AHNAK: variants seen among roughly 807,000 people sequenced by gnomAD.
AHNAK encodes AHNAK nucleoprotein.
AHNAK carries 23 observed loss-of-function variants against 37.8 expected under a neutral mutation model. The observed-to-expected ratio is 0.61, with a 90% CI of 0.44 to 0.86. AHNAK has a LOEUF of 0.86. Among genes scored for constraint, AHNAK ranks in the 40% least tolerant of loss-of-function variants. AHNAK has a pLI of 0.00. For synonymous variants in AHNAK, 2,481 were observed against 2,636.3 expected (o/e 0.94, Z 1.80); for missense variants, 7,411 against 7,319.4 (o/e 1.01, Z -0.46).
In AHNAK at chr11:62,528,588, C is replaced by T. The variant is rs601430; in HGVS notation, c.5829G>A (p.Ser1943=). 263 of 1,584,662 alleles carry T rather than the reference C, an allele frequency of 1.7e-4. 4 individuals carry two copies. In the South Asian group the frequency reaches 2.6e-3, roughly 16 times the overall value. ...GPKVKGDVDV[S]VPKLEGDLTG... ...TTAAATCTCCCTCCAATTTTGGCAC[C>T]GACACATCCACATCCCCTTTGACTT... Residue 1943 remains serine, a synonymous_variant, in exon 5 of 5, where the codon TCG becomes TCA. Coordinates refer to ENST00000378024, the MANE Select transcript of AHNAK (RefSeq NM_001620.3).
At position 62,525,591 on chromosome 11, in the gene AHNAK, T is replaced by C; in HGVS notation, c.8826A>G (p.Pro2942=). 1 of 1,613,748 alleles carries C rather than the reference T, an allele frequency of 6.2e-7. No homozygotes were observed. The highest frequency in any genetic ancestry group is 8.5e-7 in the Non-Finnish European group (1 of 1,179,956). ...ACTTGGGCCCTTTCAACTTTCCCTC[T>C]GGTCCTTCAATGTTAACATCAGGGC... ...VEGPDVNIEG[P]EGKLKGPKFK... is the part of the protein sequence containing the mutation. The change falls in exon 5 of 5, where the codon CCA becomes CCG. Residue 2942 remains proline (P), a synonymous_variant. Coordinates refer to ENST00000378024, the MANE Select transcript of AHNAK (RefSeq NM_001620.3).
At chr11:62,541,294 C>T (rs190623092) in intron 1 of AHNAK, among the ~76,000 whole-genome samples, 3 of 152,354 alleles carry the variant, frequency 2.0e-5, no homozygotes, top group Admixed American at 1.3e-4. Flanking sequence ...GGAAGAAAAT[C>T]ACCCCATCCG....
In AHNAK at chr11:62,433,879, C is replaced by T. The variant is rs370327131; in HGVS notation, c.*5G>A. Reference sequence around the variant, plus strand: ...AAGAGGGGGTGGTTTTCTTCCTGGCCGCTTCTACAGTCCTGTAAAACAACA... The same window carrying T: ...AAGAGGGGGTGGTTTTCTTCCTGGCTGCTTCTACAGTCCTGTAAAACAACA... On this transcript the variant is annotated 3_prime_UTR_variant, in exon 6 of 6. Coordinates refer to the AHNAK transcript ENST00000257247. The T allele has an allele frequency of 8.7e-6, 14 of 1,613,708 alleles. No homozygotes were observed. The African/African-American group carries it at 1.2e-4, about 14-fold the overall frequency.
Position 62,532,314 on chromosome 11 carries a change from A to G in AHNAK, c.2103T>C (p.Asp701=). Residue 701 remains aspartate (D), a synonymous_variant, in exon 5 of 5, where the codon GAT becomes GAC. Coordinates refer to ENST00000378024, the MANE Select transcript of AHNAK (RefSeq NM_001620.3). ...TTGTACCTTTCACGTGCAAATCTACATCAGGCATGGAGATCTTTGGTGTCT... is the reference window on the plus strand; with the variant it reads ...TTGTACCTTTCACGTGCAAATCTACGTCAGGCATGGAGATCTTTGGTGTCT... ...SVKTPKISMP[D]VDLHVKGTKV... is the part of the protein sequence containing the mutation. The G allele has an allele frequency of 6.2e-7, 1 of 1,614,100 alleles. No homozygotes were observed. The highest frequency in any genetic ancestry group is 8.5e-7 in the Non-Finnish European group (1 of 1,180,022).
At chr11:62,480,625 C>A (rs1939249088) in intron 5 of AHNAK, among the ~76,000 whole-genome samples, 1 of 151,450 alleles carries the variant, frequency 6.6e-6, no homozygotes, top group African/African-American at 2.4e-5. Context: ...TGCGCCATTG[C>A]ACTCCAGCCT....
intron 5 of AHNAK, among the ~76,000 whole-genome samples, chr11:62,457,093 G>A (rs1938673293): frequency 6.6e-6 from 1 of 152,146 alleles, no homozygotes; most frequent in Non-Finnish European, 1.5e-5. Flanking sequence ...CTGAGGTCAG[G>A]AGTTCAAGAC....
At chr11:62,507,784 TAAAAAAC>T (rs201095180) in intron 4 of AHNAK, among the ~76,000 whole-genome samples, 1 of 151,740 alleles carries the variant, frequency 6.6e-6, no homozygotes, top group Non-Finnish European at 1.5e-5. Flanking sequence ...CTCAAAAAAA[TAAAAAAC>T]AAAAAACAAA....
At position 62,524,298 on chromosome 11, in the gene AHNAK, A is replaced by G. The variant is rs1940387001; in HGVS notation, c.10119T>C (p.Gly3373=). 6.2e-7 allele frequency: 1 copy of G among 1,613,742 alleles called. No homozygotes were observed. Among genetic ancestry groups the G allele is most frequent in the Non-Finnish European group, 8.5e-7 (1 of 1,179,976 alleles). ...KVQTPEVDVK[G]KKPDIDITGP... ...CTGTTATGTCAATATCTGGCTTTTT[A>G]CCTTTGACATCCACTTCAGGTGTCT... The change falls in exon 5 of 5, where the codon GGT becomes GGC. Residue 3373 remains glycine, a synonymous_variant. Coordinates refer to ENST00000378024, the MANE Select transcript of AHNAK (RefSeq NM_001620.3).
intron 5 of AHNAK, among the ~76,000 whole-genome samples, chr11:62,440,745 C>T (rs897170646): frequency 1.2e-4 from 18 of 152,196 alleles, no homozygotes; most frequent in African/African-American, 3.9e-4. Context: ...ATCCCAGCCC[C>T]GTCTCCACAA....
At position 62,520,960 on chromosome 11, in the gene AHNAK, C is replaced by T. The variant is rs759676200; in HGVS notation, c.13457G>A (p.Ser4486Asn). 1.9e-6 allele frequency: 3 copies of T among 1,614,166 alleles called. No individual in the cohort carries two copies. The highest frequency in any genetic ancestry group is 8.5e-7 in the Non-Finnish European group (1 of 1,180,040). The change falls in exon 5 of 5, where the codon AGT (serine) becomes AAT (asparagine). Residue 4486 changes from serine to asparagine, a missense_variant. Coordinates refer to ENST00000378024, the MANE Select transcript of AHNAK (RefSeq NM_001620.3). ...GTCTACCTCTGGCCCTTTCAGATCA[C>T]TTTCCACCTTAGGTAGTGAAACATC... ...DVDVSLPKVE[S>N]DLKGPEVDIE...
chr11:62,435,536 C>G (rs1425348718), intron 5 of AHNAK, among the ~76,000 whole-genome samples: 2 of 108,050 alleles, frequency 1.9e-5, no homozygotes, highest in East Asian at 3.7e-4. Context: ...CTCAGCCTCC[C>G]GAGTAGCTGG....
intron 5 of AHNAK, among the ~76,000 whole-genome samples, chr11:62,454,871 AC>A (rs1938622483): frequency 2.0e-5 from 3 of 151,688 alleles, no homozygotes; most frequent in Non-Finnish European, 2.9e-5. Context: ...TTGAGAACCC[AC>A]ACCTTCCTTA....
chr11:62,454,434 GA>G (rs1938612777), intron 5 of AHNAK, among the ~76,000 whole-genome samples: 1 of 148,670 alleles, frequency 6.7e-6, no homozygotes, highest in African/African-American at 2.5e-5. Context: ...AAAAAGAAAA[GA>G]AAAGAAAAGA....
chr11:62,527,477 T>C lies in AHNAK; in HGVS notation c.6940A>G (p.Met2314Val). 6.2e-7 allele frequency: 1 copy of C among 1,614,194 alleles called. No individual in the cohort carries two copies. The highest frequency in any genetic ancestry group is 8.5e-7 in the Non-Finnish European group (1 of 1,180,006). The part of the protein sequence containing the change: ...EMHFKTPKIS[M>V]PDVDFNLKGP... ...TTTAAATTGAAATCAACATCAGGCATGGAGATCTTGGGGGTCTTGAAGTGC... is the reference window on the plus strand; with the variant it reads ...TTTAAATTGAAATCAACATCAGGCACGGAGATCTTGGGGGTCTTGAAGTGC... Residue 2314 changes from methionine (M) to valine (V), a missense_variant, in exon 5 of 5, where the codon ATG (methionine) becomes GTG (valine). Met to Val is a conservative substitution (Grantham distance 21). Coordinates refer to ENST00000378024, the MANE Select transcript of AHNAK (RefSeq NM_001620.3).
At position 62,517,026 on chromosome 11, in the gene AHNAK, C is replaced by T. The variant is rs1461209258; in HGVS notation, c.17391G>A (p.Gly5797=). The change falls in exon 5 of 5, where the codon GGG becomes GGA. Residue 5797 remains glycine (G), a synonymous_variant. Transcript: ENST00000378024. ...CTTCCCCACCTTCAAACTCCAGCGT[C>T]CCCGTCGGGGTGGAAGGTCCAGAGA... ...REFSGPSTPT[G]TLEFEGGEVS... is the part of the protein sequence containing the mutation. 2.5e-6 allele frequency: 4 copies of T among 1,614,104 alleles called. No individual in the cohort carries two copies. Among genetic ancestry groups the T allele is most frequent in the Non-Finnish European group, 3.4e-6 (4 of 1,180,056 alleles).
intron 5 of AHNAK, among the ~76,000 whole-genome samples, chr11:62,489,501 A>T (rs1354664740): frequency 6.6e-6 from 1 of 152,216 alleles, no homozygotes; most frequent in Admixed American, 6.5e-5. Flanking sequence ...AGCTCAGTCT[A>T]TCCATGGAGG....
intron 5 of AHNAK, among the ~76,000 whole-genome samples, chr11:62,473,913 T>A (rs1228252044): frequency 6.6e-6 from 1 of 151,064 alleles, no homozygotes; most frequent in East Asian, 2.0e-4. Context: ...GGTAGGAGGA[T>A]CACTGGAGGC....
In AHNAK at chr11:62,543,996, C is replaced by T. The variant is rs149068733; in HGVS notation, c.-100+2664G>A. ...TCTCTGTCTGTCTCCAGGCAGTTCC[C>T]AAGTTCTAAAGAAGGTGGTGACCAC... is the stretch of plus-strand genomic sequence containing the variant. On this transcript the variant is annotated intron_variant, in intron 1 of 4. Transcript: ENST00000378024. Among the ~76,000 whole-genome samples, 345 of 152,236 alleles carry T rather than the reference C, an allele frequency of 2.3e-3. 2 individuals are homozygous for T. Among genetic ancestry groups the T allele is most frequent in the African/African-American group, 7.9e-3 (330 of 41,530 alleles).
rs762041154 is a variant in AHNAK at position 62,531,095 on chromosome 11, C to A, written c.3322G>T (p.Val1108Leu). Residue 1108 changes from valine (V) to leucine (L), a missense_variant, in exon 5 of 5, where the codon GTA becomes TTA. By Grantham distance (32) the Val-to-Leu change is conservative. Transcript: ENST00000378024. ...TCCACATCTGGTGCTTTAATATCTA[C>A]CTTGGGACCTCTGATGTCCACATCT... is the stretch of plus-strand genomic sequence containing the variant. ...VPDVDIRGPK[V>L]DIKAPDVEGQ... The A allele has an allele frequency of 1.2e-6, 2 of 1,613,924 alleles. No individual in the cohort carries two copies. Among genetic ancestry groups the A allele is most frequent in the Non-Finnish European group, 1.7e-6 (2 of 1,180,014 alleles).
Sources: gnomAD v4.1 joint callset for allele counts (sites outside exome capture counted in the v4.1 genomes callset) on GRCh38, gnomAD v4.1.1 for gene constraint, MANE v1.5 for transcripts, NCBI Gene and HGNC (gene_info 2026-07-23, HGNC 2026-07-21) for gene names.